CIITA: variants seen among roughly 807,000 people sequenced by gnomAD.
The protein encoded by CIITA is class II major histocompatibility complex transactivator, also known as MHC class II transactivator.
Under a neutral mutation model 115.1 loss-of-function variants are expected in CIITA, and 72 were observed. The observed-to-expected ratio is 0.63, with a 90% CI of 0.52 to 0.76. CIITA has a LOEUF of 0.76. Ranked by LOEUF, CIITA falls within the 30% of genes least tolerant of loss-of-function variation. CIITA has a pLI of 0.00. For synonymous variants in CIITA, 763 were observed against 635.6 expected (o/e 1.20, Z -3.02); for missense variants, 1,617 against 1,463.8 (o/e 1.10, Z -1.71).
At chr16:10,918,722 C>A (rs2040100848) in intron 16 of CIITA, among the ~76,000 whole-genome samples, 196 bp downstream of exon 16, 1 of 152,226 alleles carries the variant, frequency 6.6e-6, no homozygotes. Context: ...TGTTTTCTTA[C>A]CTGGAAAATG....
chr16:10,913,579 G>A (rs1269297816), intron 13 of CIITA: 1 of 151,602 alleles, frequency 6.6e-6, no homozygotes, highest in Non-Finnish European at 1.5e-5. Context: ...CTCCCAAAGT[G>A]CTGGGATTAC....
upstream of CIITA, among the ~76,000 whole-genome samples, chr16:10,876,928 GATC>G (rs999410088): frequency 1.3e-5 from 2 of 152,186 alleles, no homozygotes; most frequent in Non-Finnish European, 2.9e-5. Context: ...GTTCCATTGT[GATC>G]ATCATTTCTG....
At chr16:10,893,161 C>G (rs2037766685) in intron 1 of CIITA, among the ~76,000 whole-genome samples, 1 of 152,144 alleles carries the variant, frequency 6.6e-6, no homozygotes, top group African/African-American at 2.4e-5. Flanking sequence ...GCATTCTCCC[C>G]TCGAGCCTCC....
chr16:10,917,723 G>A (rs1484806635), intron 15 of CIITA, among the ~76,000 whole-genome samples: 3 of 151,712 alleles, frequency 2.0e-5, no homozygotes, highest in Middle Eastern at 3.4e-3. Context: ...CAAGTGATCC[G>A]CCCACCTCAG....
At chr16:10,915,438 G>T (rs2039885002) in intron 13 of CIITA, 132 bp from the exon 14 acceptor site, 11 of 742,290 alleles carry the variant, frequency 1.5e-5, no homozygotes, top group Non-Finnish European at 2.2e-5. Context: ...GACCTAAGAG[G>T]CTGGGGTGGA....
At chr16:10,912,630 T>A (rs541949827) in intron 13 of CIITA, among the ~76,000 whole-genome samples, 1 of 152,184 alleles carries the variant, frequency 6.6e-6, no homozygotes, top group Non-Finnish European at 1.5e-5. Flanking sequence ...TCTCTTGTTT[T>A]GAACAGAGAC....
At chr16:10,874,209 C>A (rs1174192963), upstream of CIITA, among the ~76,000 whole-genome samples, 2 of 152,142 alleles carry the variant, frequency 1.3e-5, no homozygotes, top group African/African-American at 4.8e-5. Flanking sequence ...GTTTCGAATT[C>A]CTGACCTCAG....
intron 15 of CIITA, among the ~76,000 whole-genome samples, chr16:10,917,316 G>A (rs2040007726): frequency 6.6e-6 from 1 of 152,102 alleles, no homozygotes; most frequent in South Asian, 2.1e-4. Flanking sequence ...GCTGGGACAG[G>A]TGCATGCCAC....
At position 10,926,025 on chromosome 16, in the gene CIITA, T is replaced by C. The variant is rs1206286433; in HGVS notation, c.*2170T>C. 2 of 152,204 alleles carry C rather than the reference T, an allele frequency of 1.3e-5. No homozygotes were observed. Among genetic ancestry groups the C allele is most frequent in the African/African-American group, 2.4e-5 (1 of 41,448 alleles). The allele number at this position is 152,204 out of a possible 1,614,324, so 9.4% of individuals were successfully genotyped here. On this transcript the variant is annotated 3_prime_UTR_variant, in exon 20 of 20. Coordinates refer to ENST00000324288, the MANE Select transcript of CIITA (RefSeq NM_000246.4). ...ACGACTGTTGCTTTTCACTCGGGCA[T>C]AGTCTGCTCAGAAGCCCCAATTCAA...
chr16:10,887,339 T>C (rs926638095), intron 1 of CIITA, among the ~76,000 whole-genome samples: 1 of 152,110 alleles, frequency 6.6e-6, no homozygotes. Context: ...CCAACACTCG[T>C]TGAAACGGAG....
chr16:10,920,222 C>G lies in CIITA; in HGVS notation c.3149+1696C>G, dbSNP rs375523769. ...AGTAGGTGGGCCTGGGAAGGCGACACTTGATCTGATTTACACTTTTCTTTT... is the reference window on the plus strand; with the variant it reads ...AGTAGGTGGGCCTGGGAAGGCGACAGTTGATCTGATTTACACTTTTCTTTT... On this transcript the variant is annotated intron_variant, in intron 16 of 19. Coordinates refer to ENST00000324288, the MANE Select transcript of CIITA (RefSeq NM_000246.4). The surrounding 1 kb of genome is among the most constrained non-coding windows in gnomAD (Gnocchi z 4.5). Among the ~76,000 whole-genome samples, 4 of 152,278 alleles carry G rather than the reference C, an allele frequency of 2.6e-5. No individual in the cohort carries two copies. The South Asian group carries it at 6.2e-4, about 24-fold the overall frequency.
At chr16:10,899,154 C>G in intron 5 of CIITA, 152 bp downstream of exon 5, 1 of 742,332 alleles carries the variant, frequency 1.3e-6, no homozygotes, top group South Asian at 1.5e-5. Context: ...TTAAAATGTA[C>G]ATCTGATTAT....
chr16:10,895,083 C>T (rs555679278), intron 1 of CIITA, among the ~76,000 whole-genome samples, 199 bp from the exon 2 acceptor site: 2 of 152,264 alleles, frequency 1.3e-5, no homozygotes, highest in East Asian at 1.9e-4. Context: ...GGTATCTTCT[C>T]ATATGGTTGT....
intron 1 of CIITA, among the ~76,000 whole-genome samples, chr16:10,872,136 T>TGG (rs569741276): frequency 6.6e-6 from 1 of 151,892 alleles, no homozygotes; most frequent in Non-Finnish European, 1.5e-5. Flanking sequence ...TTTTTTTGGG[T>TGG]GGGGGGGACA....
At chr16:10,893,159 C>T (rs2037766125) in intron 1 of CIITA, among the ~76,000 whole-genome samples, 1 of 152,116 alleles carries the variant, frequency 6.6e-6, no homozygotes, top group Non-Finnish European at 1.5e-5. Flanking sequence ...AAGCATTCTC[C>T]CCTCGAGCCT....
chr16:10,904,629 C>G, intron 9 of CIITA, 115 bp from the exon 10 acceptor site: 1 of 1,043,698 alleles, frequency 9.6e-7, no homozygotes, highest in Non-Finnish European at 1.5e-6. Context: ...ATCTTATAAC[C>G]TCCATCTTGG....
At chr16:10,890,575 C>G (rs1384830395) in intron 1 of CIITA, among the ~76,000 whole-genome samples, 1 of 152,220 alleles carries the variant, frequency 6.6e-6, no homozygotes, top group African/African-American at 2.4e-5. Flanking sequence ...CAGATGTGAG[C>G]CACCATGCCC....
chr16:10,890,142 T>C (rs2037406946), intron 1 of CIITA, among the ~76,000 whole-genome samples: 1 of 152,044 alleles, frequency 6.6e-6, no homozygotes, highest in African/African-American at 2.4e-5. Flanking sequence ...ATTGGGGGCT[T>C]CTGGGAGGGG....
chr16:10,927,234 G>A lies in CIITA; in HGVS notation c.*3379G>A, dbSNP rs1437253182. 6.6e-6 allele frequency: 1 copy of A among 152,152 alleles called. No homozygotes were observed. Among genetic ancestry groups the A allele is most frequent in the East Asian group, 1.9e-4 (1 of 5,204 alleles). The allele number at this position is 152,152 out of a possible 1,614,324, so 9.4% of individuals were successfully genotyped here. On this transcript the variant is annotated 3_prime_UTR_variant, in exon 20 of 20. Transcript: ENST00000324288. Reference sequence around the variant, plus strand: ...GAATGTTCTTCCCAGCTCTCCATATGGCTGATTTCTCATCCTTCGGGACTT... The same window carrying A: ...GAATGTTCTTCCCAGCTCTCCATATAGCTGATTTCTCATCCTTCGGGACTT...
Sources: gnomAD v4.1 joint callset for allele counts (sites outside exome capture counted in the v4.1 genomes callset) on GRCh38, gnomAD v4.1.1 for gene constraint, Gnocchi (gnomAD v3.1) non-coding constraint, MANE v1.5 for transcripts, NCBI Gene and HGNC (gene_info 2026-07-23, HGNC 2026-07-21) for gene names.